Variants in C1QTNF5 observed in about 807,000 individuals in gnomAD.
C1QTNF5 encodes the protein complement C1q tumor necrosis factor-related protein 5.
In C1QTNF5, 5 loss-of-function variants were observed where a neutral mutation model predicts 10.9. The observed-to-expected ratio is 0.46, with a 90% CI of 0.24 to 0.97. C1QTNF5 has a LOEUF of 0.97. Ranked by LOEUF, C1QTNF5 falls within the 50% of genes least tolerant of loss-of-function variation. The probability of loss-of-function intolerance (pLI) is 0.19; values close to 1 mark genes in which losing one functional copy is unlikely to be tolerated. For missense variants in C1QTNF5, 281 were observed against 339.4 expected (o/e 0.83, Z 1.35); for synonymous variants, 161 against 156.5 (o/e 1.03, Z -0.22).
At chr11:119,344,971 G>T (rs1471039310), upstream of C1QTNF5, 6 of 1,608,188 alleles carry the variant, frequency 3.7e-6, no homozygotes, top group East Asian at 2.2e-5. Context: ...TGGCATTGGT[G>T]TTGAGCGTGG....
upstream of C1QTNF5, chr11:119,341,726 C>T (rs1950504628): frequency 1.2e-6 from 2 of 1,613,308 alleles, no homozygotes; most frequent in African/African-American, 1.3e-5. Context: ...AAGCAGCCCA[C>T]ACAGGAGCCT....
chr11:119,342,700 C>T (rs1950514791), upstream of C1QTNF5: 2 of 1,613,638 alleles, frequency 1.2e-6, no homozygotes, highest in African/African-American at 2.7e-5. Flanking sequence ...TCCTGCCTGG[C>T]AGGAGAGCTC....
chr11:119,341,713 C>A, upstream of C1QTNF5: 1 of 1,613,184 alleles, frequency 6.2e-7, no homozygotes, highest in Non-Finnish European at 8.5e-7. Context: ...TGCAACGGGG[C>A]ACAAGCAGCC....
At chr11:119,341,446 TG>T (rs1950501399), upstream of C1QTNF5, 1 of 991,302 alleles carries the variant, frequency 1.0e-6, no homozygotes, top group Non-Finnish European at 1.5e-6. Context: ...CAGAGAAGGA[TG>T]GGTAGAGACC....
chr11:119,345,497 G>A (rs776566873), upstream of C1QTNF5: 6 of 1,614,120 alleles, frequency 3.7e-6, no homozygotes, highest in East Asian at 2.2e-5. Flanking sequence ...CTATGCTGAG[G>A]GCTTCGATCT....
Position 119,339,863 on chromosome 11 carries a change from G to T in C1QTNF5, c.215-15C>A. 6.9e-7 allele frequency: 1 copy of T among 1,459,852 alleles called. No homozygotes were observed. Among genetic ancestry groups the T allele is most frequent in the South Asian group, 1.4e-5 (1 of 71,596 alleles). The allele number at this position is 1,459,852 out of a possible 1,614,324, so 90.4% of individuals were successfully genotyped here. On this transcript the variant is annotated splice_polypyrimidine_tract_variant and intron_variant, in intron 2 of 2. Transcript: ENST00000528368. This position sits in a 1 kb window ranked among gnomAD's most constrained non-coding sequence, Gnocchi z 5.4. Reference sequence around the variant, plus strand: ...TCCCGGCAGTCCTGCGGGGTAAGCGGGGCGGCAGGGTGAGAGTAGCGGCGG... The same window carrying T: ...TCCCGGCAGTCCTGCGGGGTAAGCGTGGCGGCAGGGTGAGAGTAGCGGCGG...
the C1QTNF5 span, chr11:119,345,989 G>C: frequency 1.2e-6 from 2 of 1,613,238 alleles, no homozygotes; most frequent in Non-Finnish European, 1.7e-6. Flanking sequence ...GGCTGGGAGA[G>C]CGGCTCATGG....
upstream of C1QTNF5, chr11:119,344,697 A>G (rs778838332): frequency 1.7e-5 from 27 of 1,613,898 alleles, 1 homozygote; most frequent in South Asian, 2.2e-5. Flanking sequence ...ACCATCACAC[A>G]CTGAGTCAGG....
At chr11:119,342,641 C>T (rs142846614), upstream of C1QTNF5, 40 of 1,613,530 alleles carry the variant, frequency 2.5e-5, no homozygotes, top group Admixed American at 5.3e-4. Flanking sequence ...TCGCTGCCAT[C>T]GGTGCAGTCT....
upstream of C1QTNF5, chr11:119,341,277 G>T: frequency 1.9e-6 from 1 of 520,916 alleles, no homozygotes; most frequent in South Asian, 2.5e-5. Flanking sequence ...AGATGGAAAG[G>T]GGAAGAGGCC....
Position 119,339,587 on chromosome 11 carries a change from A to T in C1QTNF5, c.476T>A (p.Val159Asp), listed in dbSNP as rs1950475422. Residue 159 changes from valine (V) to aspartate (D), a missense_variant, in exon 3 of 3, where the codon GTC becomes GAC. Val to Asp is a radical substitution (Grantham distance 152). Coordinates refer to ENST00000528368, the MANE Select transcript of C1QTNF5 (RefSeq NM_001278431.2). The surrounding 1 kb of genome is among the most constrained non-coding windows in gnomAD (Gnocchi z 5.4). ...GVYYFAVHAT[V>D]YRASLQFDLV... Reference sequence around the variant, plus strand: ...ATCAAACTGCAGGCTGGCCCGGTAGACGGTGGCATGGACGGCGAAGTAGTA... The same window carrying T: ...ATCAAACTGCAGGCTGGCCCGGTAGTCGGTGGCATGGACGGCGAAGTAGTA... The T allele has an allele frequency of 6.2e-7, 1 of 1,613,244 alleles. No homozygotes were observed.
Position 119,339,986 on chromosome 11 carries a change from C to A in C1QTNF5, c.215-138G>T. 1 of 1,306,134 alleles carries A rather than the reference C, an allele frequency of 7.7e-7. No individual in the cohort carries two copies. The highest frequency in any genetic ancestry group is 1.0e-6 in the Non-Finnish European group (1 of 995,104). The allele number at this position is 1,306,134 out of a possible 1,614,324, so 80.9% of individuals were successfully genotyped here. On this transcript the variant is annotated intron_variant, in intron 2 of 2. Transcript: ENST00000528368. This position sits in a 1 kb window ranked among gnomAD's most constrained non-coding sequence, Gnocchi z 5.4. ...GCCTCCTCCCGCACGGGTACCTCCTCCACCCCTTCCCGCAGGGCAGATCTG... is the reference window on the plus strand; with the variant it reads ...GCCTCCTCCCGCACGGGTACCTCCTACACCCCTTCCCGCAGGGCAGATCTG...
At position 119,339,798 on chromosome 11, in the gene C1QTNF5, C is replaced by T. The variant is rs1452701373; in HGVS notation, c.265G>A (p.Ala89Thr). 1 of 1,503,638 alleles carries T rather than the reference C, an allele frequency of 6.7e-7. No individual in the cohort carries two copies. Among genetic ancestry groups the T allele is most frequent in the Non-Finnish European group, 8.8e-7 (1 of 1,130,600 alleles). 93.1% of individuals were successfully genotyped at this position (1,503,638 alleles called of 1,614,324 possible). A position where few individuals can be genotyped will look rare whatever the true frequency, so the allele number is the denominator to read the frequency against. The change falls in exon 3 of 3, where the codon GCG becomes ACG. Residue 89 changes from alanine to threonine, a missense_variant. Physicochemically the swap from Ala to Thr is moderately conservative, Grantham distance 58 (BLOSUM62 0). Transcript: ENST00000528368. This position sits in a 1 kb window ranked among gnomAD's most constrained non-coding sequence, Gnocchi z 5.4. Reference sequence around the variant, plus strand: ...TCCCCGGCAGGCCCGGTGGGCCCCGCGGGTCCCGCCTCTCCTCGCGGCCCG... The same window carrying T: ...TCCCCGGCAGGCCCGGTGGGCCCCGTGGGTCCCGCCTCTCCTCGCGGCCCG... ...DPGPRGEAGPAGPTGPAGECS... is the reference protein window; with the variant it reads ...DPGPRGEAGPTGPTGPAGECS...
chr11:119,345,168 C>T (rs1490702907), upstream of C1QTNF5, among the ~76,000 whole-genome samples: 5 of 152,202 alleles, frequency 3.3e-5, no homozygotes, highest in Non-Finnish European at 7.3e-5. Flanking sequence ...TTCCTAGCAC[C>T]TGCACATTTA....
At position 119,339,011 on chromosome 11, in the gene C1QTNF5, G is replaced by A. The variant is rs1490419899; in HGVS notation, c.*320C>T. On this transcript the variant is annotated 3_prime_UTR_variant, in exon 3 of 3. Transcript: ENST00000528368. This position sits in a 1 kb window ranked among gnomAD's most constrained non-coding sequence, Gnocchi z 5.4. ...CCCCAGGAGCAGGAGGGGGTGGGGA[G>A]GATCCAGAGAAGCAGAGGACCAGGA... The A allele has an allele frequency of 6.8e-6, 2 of 292,044 alleles. No individual in the cohort carries two copies. Among genetic ancestry groups the A allele is most frequent in the Non-Finnish European group, 1.3e-5 (2 of 155,926 alleles). 18.1% of individuals were successfully genotyped at this position (292,044 alleles called of 1,614,324 possible).
chr11:119,345,281 G>C, upstream of C1QTNF5: 1 of 895,498 alleles, frequency 1.1e-6, no homozygotes, highest in Non-Finnish European at 1.8e-6. Context: ...CACACAGCAA[G>C]GTGGTGGCAG....
upstream of C1QTNF5, chr11:119,344,417 A>G (rs374356093): frequency 8.7e-6 from 14 of 1,607,660 alleles, no homozygotes; most frequent in Non-Finnish European, 1.2e-5. Context: ...AGGGCTCATG[A>G]GTTTGCTAGG....
upstream of C1QTNF5, chr11:119,344,193 G>T: frequency 2.8e-6 from 3 of 1,068,412 alleles, no homozygotes; most frequent in Non-Finnish European, 4.3e-6. Flanking sequence ...TCCCCCGTCT[G>T]CTTGATCTCT....
intron 1 of C1QTNF5, 35 bp downstream of exon 1, chr11:119,340,660 T>G: frequency 2.1e-6 from 1 of 465,858 alleles, no homozygotes; most frequent in Non-Finnish European, 3.7e-6. Context: ...CACAGTCCCC[T>G]CCCCAGCCCC....
Sources: allele counts gnomAD v4.1 joint callset (sites outside exome capture counted in the v4.1 genomes callset), GRCh38; gene constraint gnomAD v4.1.1; non-coding constraint Gnocchi (gnomAD v3.1); transcripts MANE v1.5; gene names NCBI Gene and HGNC (gene_info 2026-07-23, HGNC 2026-07-21).